Variants in RBFOX1 observed in about 807,000 individuals in gnomAD.
RBFOX1 encodes the protein RNA binding protein fox-1 homolog 1.
A neutral mutation model predicts 57.7 loss-of-function variants in RBFOX1; 8 were observed. The ratio of observed to expected loss-of-function variants is 0.14; its 90% CI spans 0.08 to 0.25. RBFOX1 has a LOEUF of 0.25. Among genes scored for constraint, RBFOX1 ranks in the 10% least tolerant of loss-of-function variants. The probability of loss-of-function intolerance (pLI) is 1.00; values close to 1 mark genes in which losing one functional copy is unlikely to be tolerated. For missense variants in RBFOX1, 611 were observed against 548.5 expected, an observed-to-expected ratio of 1.11 and a Z score of -1.14; for synonymous variants, 326 against 222.4, an observed-to-expected ratio of 1.47 and a Z score of -4.15.
At chr16:5,872,626 C>T (rs947639854) in intron 4 of RBFOX1, among the ~76,000 whole-genome samples, 5 of 151,828 alleles carry the variant, frequency 3.3e-5, no homozygotes, top group African/African-American at 1.2e-4. Context: ...GTCCCAGCTA[C>T]TCAGGAGGCT....
intron 2 of RBFOX1, among the ~76,000 whole-genome samples, chr16:6,631,216 A>T (rs1203084287): frequency 6.6e-6 from 1 of 152,138 alleles, no homozygotes; most frequent in East Asian, 1.9e-4. Context: ...ACTGGAGGTT[A>T]AGTGATAGGT....
intron 4 of RBFOX1, among the ~76,000 whole-genome samples, chr16:7,493,060 G>A (rs908611275): frequency 2.6e-5 from 4 of 152,280 alleles, no homozygotes; most frequent in South Asian, 2.1e-4. Context: ...TGTAGTTTTA[G>A]TAGAGATGGG....
chr16:5,861,562 G>C (rs954106149), intron 3 of RBFOX1, among the ~76,000 whole-genome samples: 3 of 152,198 alleles, frequency 2.0e-5, no homozygotes, highest in African/African-American at 7.2e-5. Context: ...TGTCCATTGT[G>C]TTGGGCTGTT....
chr16:6,266,723 AAAAG>A (rs1292399308), intron 1 of RBFOX1, among the ~76,000 whole-genome samples: 42 of 151,982 alleles, frequency 2.8e-4, no homozygotes, highest in African/African-American at 9.4e-4. Flanking sequence ...AAAAAAAAAA[AAAAG>A]AAGAAGAAGA....
intron 1 of RBFOX1, among the ~76,000 whole-genome samples, chr16:5,313,175 A>G (rs774797895): frequency 6.6e-6 from 1 of 152,170 alleles, no homozygotes; most frequent in Admixed American, 6.5e-5. Context: ...AGGGATGCTC[A>G]TTACTCAAAG....
intron 1 of RBFOX1, among the ~76,000 whole-genome samples, chr16:6,117,537 C>T (rs892263755): frequency 6.6e-6 from 1 of 152,208 alleles, no homozygotes; most frequent in African/African-American, 2.4e-5. Context: ...GAGATTAAGC[C>T]CATTGTACAA....
intron 13 of RBFOX1, among the ~76,000 whole-genome samples, chr16:7,672,663 A>G (rs1162265183): frequency 6.6e-6 from 1 of 151,914 alleles, no homozygotes; most frequent in African/African-American, 2.4e-5. Flanking sequence ...CAGGGGTTCA[A>G]GACGGGGCCA....
chr16:7,341,765 TCCC>T (rs1181792013), intron 4 of RBFOX1, among the ~76,000 whole-genome samples: 2 of 80,836 alleles, frequency 2.5e-5, no homozygotes, highest in African/African-American at 1.0e-4. Flanking sequence ...CTTCCCTCCT[TCCC>T]TCCCTCCCTC....
At chr16:6,713,010 C>A (rs892640489) in intron 3 of RBFOX1, among the ~76,000 whole-genome samples, 1 of 148,542 alleles carries the variant, frequency 6.7e-6, no homozygotes, top group Non-Finnish European at 1.5e-5. Flanking sequence ...CCATGTAAGA[C>A]CTGCCTTTGC....
At chr16:7,298,370 C>A (rs948093616) in intron 4 of RBFOX1, among the ~76,000 whole-genome samples, 1 of 149,762 alleles carries the variant, frequency 6.7e-6, no homozygotes, top group African/African-American at 2.5e-5. Flanking sequence ...CCTACCGCAG[C>A]CTCCGCCTCC....
At chr16:7,449,424 G>A (rs1472165485) in intron 4 of RBFOX1, among the ~76,000 whole-genome samples, 1 of 152,160 alleles carries the variant, frequency 6.6e-6, no homozygotes, top group South Asian at 2.1e-4. Flanking sequence ...TAGAAAACTT[G>A]AAGAGGTTTG....
At chr16:6,744,725 C>T (rs560326318) in intron 3 of RBFOX1, among the ~76,000 whole-genome samples, 1 of 151,956 alleles carries the variant, frequency 6.6e-6, no homozygotes, top group Non-Finnish European at 1.5e-5. Context: ...GCATTAAATA[C>T]CCATATTAGG....
intron 3 of RBFOX1, among the ~76,000 whole-genome samples, chr16:6,960,472 G>A (rs2082729272): frequency 2.0e-5 from 3 of 152,108 alleles, no homozygotes; most frequent in Non-Finnish European, 4.4e-5. Context: ...TCTCGTGTAT[G>A]TTGTTATTGG....
intron 3 of RBFOX1, among the ~76,000 whole-genome samples, chr16:6,784,595 G>A (rs1257155607): frequency 6.6e-6 from 1 of 152,044 alleles, no homozygotes; most frequent in East Asian, 1.9e-4. Context: ...ACATATCTCT[G>A]TATCTCTAGG....
intron 3 of RBFOX1, among the ~76,000 whole-genome samples, chr16:6,936,348 A>C (rs1453452661): frequency 2.0e-5 from 3 of 152,224 alleles, no homozygotes; most frequent in Non-Finnish European, 4.4e-5. Flanking sequence ...TTGTTGAACC[A>C]ACTCTCAATG....
intron 3 of RBFOX1, among the ~76,000 whole-genome samples, chr16:7,040,615 G>A (rs1329176074): frequency 6.6e-6 from 1 of 152,124 alleles, no homozygotes; most frequent in Non-Finnish European, 1.5e-5. Context: ...GCTTTTGTCT[G>A]AAGTTTGTTG....
At chr16:6,232,443 C>T (rs1473684079) in intron 1 of RBFOX1, among the ~76,000 whole-genome samples, 1 of 152,162 alleles carries the variant, frequency 6.6e-6, no homozygotes, top group Non-Finnish European at 1.5e-5. Flanking sequence ...TTTTTCCTAA[C>T]ATGACAGCCC....
chr16:6,524,021 C>G (rs1410080499), intron 2 of RBFOX1, among the ~76,000 whole-genome samples: 1 of 152,160 alleles, frequency 6.6e-6, no homozygotes, highest in Non-Finnish European at 1.5e-5. Flanking sequence ...CAATTACACT[C>G]TTTATTTTAA....
intron 2 of RBFOX1, among the ~76,000 whole-genome samples, chr16:6,611,696 C>T (rs1035395859): frequency 1.3e-5 from 2 of 152,130 alleles, no homozygotes; most frequent in Admixed American, 6.5e-5. Flanking sequence ...TTACCTTGTC[C>T]GTGGCTTCTG....
Sources: allele counts gnomAD v4.1 joint callset (sites outside exome capture counted in the v4.1 genomes callset), GRCh38; gene constraint gnomAD v4.1.1; transcripts MANE v1.5; gene names NCBI Gene and HGNC (gene_info 2026-07-23, HGNC 2026-07-21).